The following NKIRAS1 variants were observed in gnomAD, a reference collection of about 807,000 sequenced individuals.
NKIRAS1 encodes the protein NFKB inhibitor interacting Ras like 1.
Under a neutral mutation model 19.8 loss-of-function variants are expected in NKIRAS1, and 16 were observed. That is an observed-to-expected ratio of 0.81 (90% CI 0.55 to 1.23). NKIRAS1 has a LOEUF of 1.23. Ranked by LOEUF, NKIRAS1 falls within the 50% of genes most tolerant of loss-of-function variation. NKIRAS1 has a pLI of 0.00. For missense variants in NKIRAS1, 184 were observed against 220.0 expected, an observed-to-expected ratio of 0.84 and a Z score of 1.04; for synonymous variants, 88 against 79.0, an observed-to-expected ratio of 1.11 and a Z score of -0.61.
intron 1 of NKIRAS1, among the ~76,000 whole-genome samples, chr3:23,934,986 G>A (rs35457462): frequency 0.16 from 23,730 of 151,992 alleles, 2,793 homozygotes; most frequent in African/African-American, 0.32. Context: ...AGCAGGACCC[G>A]CTCCAATCCA....
At chr3:23,941,354 G>C (rs1260145510) in intron 1 of NKIRAS1, among the ~76,000 whole-genome samples, 1 of 152,124 alleles carries the variant, frequency 6.6e-6, no homozygotes, top group Non-Finnish European at 1.5e-5. Context: ...TTCATATCTA[G>C]ATGGACCTAT....
At chr3:23,920,311 G>A (rs571131453), upstream of NKIRAS1, 50 of 985,790 alleles carry the variant, frequency 5.1e-5, no homozygotes, top group Admixed American at 3.0e-3. Flanking sequence ...AGTCCAGTCA[G>A]TCTTAAAAAC....
upstream of NKIRAS1, chr3:23,918,814 G>A: frequency 1.8e-6 from 1 of 565,916 alleles, no homozygotes; most frequent in Non-Finnish European, 3.1e-6. Flanking sequence ...AGAATATGCA[G>A]AAGAGACCAA....
chr3:23,918,613 C>G (rs1169874831), upstream of NKIRAS1: 2 of 1,599,172 alleles, frequency 1.3e-6, no homozygotes, highest in Admixed American at 1.7e-5. Context: ...TTGAATACTG[C>G]CTGGGGATGG....
At chr3:23,921,570 G>GTTTTTTTTTTT, upstream of NKIRAS1, 5 of 508,294 alleles carry the variant, frequency 9.8e-6, no homozygotes, top group East Asian at 3.5e-5. Context: ...TGATTATTGA[G>GTTTTTTTTTTT]TTTTTTTTTT....
In NKIRAS1 at chr3:23,891,315, C is replaced by G. The variant is rs1024711360; in HGVS notation, c.*1780G>C. The G allele has an allele frequency of 1.3e-5, 2 of 152,196 alleles. No homozygotes were observed. Among genetic ancestry groups the G allele is most frequent in the Non-Finnish European group, 2.9e-5 (2 of 68,032 alleles). 9.4% of individuals were successfully genotyped at this position (152,196 alleles called of 1,614,324 possible). A position where few individuals can be genotyped will look rare whatever the true frequency, so the allele number is the denominator to read the frequency against. On this transcript the variant is annotated 3_prime_UTR_variant, in exon 5 of 5. Coordinates refer to ENST00000425478, the MANE Select transcript of NKIRAS1 (RefSeq NM_020345.4). Reference sequence around the variant, plus strand: ...ACAATATTAAAAACCACCTAATAAACACTGCTGTGTTCATTTACTTTTCTT... The same window carrying G: ...ACAATATTAAAAACCACCTAATAAAGACTGCTGTGTTCATTTACTTTTCTT...
chr3:23,931,711 G>GGA lies in NKIRAS1; in HGVS notation c.-140+14610_-140+14611dup, dbSNP rs72076467. On this transcript the variant is annotated intron_variant, in intron 1 of 4. Transcript: ENST00000421515. ...GGGAGGAAAAAGAAATGGAAAGGAAGGAGAGAGAGAGAGAGAGAGAGAGAG... is the reference window on the plus strand; with the variant it reads ...GGGAGGAAAAAGAAATGGAAAGGAAGGAGAGAGAGAGAGAGAGAGAGAGAGAG... Among the ~76,000 whole-genome samples the GGA allele has an allele frequency of 1.5e-3, 72 of 48,414 alleles. No individual in the cohort carries two copies. In the East Asian group the frequency reaches 0.017, roughly 11 times the overall value. The allele number at this position is 48,414 out of a possible 152,430, so 31.8% of individuals were successfully genotyped here.
At chr3:23,917,260 C>G (rs1704646931), upstream of NKIRAS1, 1 of 152,528 alleles carries the variant, frequency 6.6e-6, no homozygotes, top group South Asian at 2.1e-4. Context: ...CCTGCGTCCT[C>G]GGAGATAGGT....
chr3:23,945,342 T>G, intron 1 of NKIRAS1: 2 of 162,562 alleles, frequency 1.2e-5, no homozygotes, highest in African/African-American at 2.4e-5. Flanking sequence ...GCGCCGCCGC[T>G]TTTGTTGTCA....
chr3:23,928,391 T>C (rs998297477), intron 1 of NKIRAS1, among the ~76,000 whole-genome samples: 1 of 152,038 alleles, frequency 6.6e-6, no homozygotes, highest in Admixed American at 6.6e-5. Flanking sequence ...CATAACTCTT[T>C]GGTGAACTGA....
upstream of NKIRAS1, chr3:23,921,733 C>T: frequency 1.6e-6 from 1 of 625,588 alleles, no homozygotes; most frequent in Non-Finnish European, 2.8e-6. Flanking sequence ...CACTGCCATG[C>T]CCAGCTAAGT....
chr3:23,916,510 T>G (rs1306922557), intron 1 of NKIRAS1: 1 of 152,278 alleles, frequency 6.6e-6, no homozygotes, highest in Non-Finnish European at 1.5e-5. Flanking sequence ...CCATGACCCT[T>G]TTTTAGGACA....
chr3:23,919,225 G>C (rs558281601), upstream of NKIRAS1: 86 of 1,613,886 alleles, frequency 5.3e-5, 1 homozygote, highest in South Asian at 8.7e-4. Context: ...GTGGGGCTCT[G>C]AGAGTCCTGA....
At chr3:23,916,418 A>G (rs935959044) in intron 1 of NKIRAS1, 1 of 152,244 alleles carries the variant, frequency 6.6e-6, no homozygotes, top group Non-Finnish European at 1.5e-5. Context: ...GCTCTTCTGA[A>G]AAACTGTGGT....
intron 1 of NKIRAS1, among the ~76,000 whole-genome samples, chr3:23,935,167 A>G (rs1487358166): frequency 1.3e-5 from 2 of 152,012 alleles, no homozygotes; most frequent in Non-Finnish European, 2.9e-5. Context: ...AGCAGAAACC[A>G]TCAGGCTTTA....
chr3:23,897,922 C>T (rs1702138312), intron 4 of NKIRAS1, among the ~76,000 whole-genome samples: 1 of 152,164 alleles, frequency 6.6e-6, no homozygotes, highest in Admixed American at 6.5e-5. Context: ...ATAGTAGTTG[C>T]TAAATAAGCA....
intron 1 of NKIRAS1, among the ~76,000 whole-genome samples, chr3:23,935,947 G>T (rs1038269849): frequency 5.3e-5 from 8 of 151,890 alleles, no homozygotes; most frequent in Admixed American, 2.6e-4. Context: ...GCCCGGTATG[G>T]TGGTGTACAC....
chr3:23,944,726 T>C (rs887880450), intron 1 of NKIRAS1, among the ~76,000 whole-genome samples: 2 of 151,798 alleles, frequency 1.3e-5, no homozygotes, highest in South Asian at 2.1e-4. Flanking sequence ...CACAAGAACA[T>C]AGGTCTACTT....
intron 1 of NKIRAS1, among the ~76,000 whole-genome samples, chr3:23,939,799 C>A (rs1330405194): frequency 6.6e-6 from 1 of 152,030 alleles, no homozygotes; most frequent in Non-Finnish European, 1.5e-5. Context: ...GAGTTGATAT[C>A]AATCAAAGAG....
Sources: gnomAD v4.1 joint callset for allele counts (sites outside exome capture counted in the v4.1 genomes callset) on GRCh38, gnomAD v4.1.1 for gene constraint, MANE v1.5 for transcripts, NCBI Gene and HGNC (gene_info 2026-07-23, HGNC 2026-07-21) for gene names.